REV1: variants seen among roughly 807,000 people sequenced by gnomAD.
REV1 encodes the protein translesion synthesis protein REV1.
A neutral mutation model predicts 137.4 loss-of-function variants in REV1; 42 were observed. The observed-to-expected ratio is 0.31, with a 90% CI of 0.24 to 0.40. REV1 has a LOEUF of 0.40. Ranked by LOEUF, REV1 falls within the 10% of genes least tolerant of loss-of-function variation. The probability of loss-of-function intolerance (pLI) is 1.00; values close to 1 mark genes in which losing one functional copy is unlikely to be tolerated. For synonymous variants in REV1, 524 were observed against 519.2 expected, an observed-to-expected ratio of 1.01 and a Z score of -0.12; for missense variants, 1,282 against 1,490.1, an observed-to-expected ratio of 0.86 and a Z score of 2.30.
At position 99,412,802 on chromosome 2, in the gene REV1, T is replaced by C. The variant is rs754292412; in HGVS notation, c.2101A>G (p.Arg701Gly). The C allele has an allele frequency of 1.9e-6, 3 of 1,614,168 alleles. No homozygotes were observed. Among genetic ancestry groups the C allele is most frequent in the Non-Finnish European group, 2.5e-6 (3 of 1,180,012 alleles). Residue 701 changes from arginine to glycine, a missense_variant, in exon 13 of 23, where the codon AGA (arginine) becomes GGA (glycine). Coordinates refer to ENST00000258428, the MANE Select transcript of REV1 (RefSeq NM_016316.4). ...LYRFCRGLDD[R>G]PVRTEKERKS... ...CTTTCCTTTTCAGTTCGAACTGGTC[T>C]ATCATCCAAGCCACGGCAGAACCTA...
intron 4 of REV1, among the ~76,000 whole-genome samples, chr2:99,448,099 T>G (rs1432474590): frequency 6.6e-6 from 1 of 152,202 alleles, no homozygotes; most frequent in Non-Finnish European, 1.5e-5. Flanking sequence ...CCCAGCCTTT[T>G]CCACCACGCT....
intron 17 of REV1, chr2:99,405,695 A>G (rs1676184528): frequency 2.5e-6 from 1 of 393,868 alleles, no homozygotes. Flanking sequence ...ACAACTTGCA[A>G]GAGTGGCAAA....
intron 10 of REV1, among the ~76,000 whole-genome samples, chr2:99,422,740 G>A (rs922410876): frequency 6.6e-6 from 1 of 152,120 alleles, no homozygotes; most frequent in African/African-American, 2.4e-5. Context: ...CACTGAAACT[G>A]TCTCCAGCCT....
chr2:99,445,815 T>C (rs1682131165), intron 4 of REV1, among the ~76,000 whole-genome samples: 1 of 152,210 alleles, frequency 6.6e-6, no homozygotes, highest in African/African-American at 2.4e-5. Flanking sequence ...TAACCATGCC[T>C]ACATTAACTC....
At chr2:99,411,319 T>C (rs1180325961) in intron 13 of REV1, among the ~76,000 whole-genome samples, 1 of 151,938 alleles carries the variant, frequency 6.6e-6, no homozygotes, top group Non-Finnish European at 1.5e-5. Context: ...CAAAAACTGT[T>C]TGGTATACCC....
chr2:99,465,931 T>C (rs909682831), intron 1 of REV1, among the ~76,000 whole-genome samples: 5 of 152,150 alleles, frequency 3.3e-5, no homozygotes, highest in Non-Finnish European at 7.3e-5. Flanking sequence ...AATTTCTTTC[T>C]TTCTTTTTAT....
intron 3 of REV1, among the ~76,000 whole-genome samples, chr2:99,453,790 G>A (rs1484634219): frequency 1.3e-5 from 2 of 150,780 alleles, no homozygotes; most frequent in Non-Finnish European, 2.9e-5. Context: ...CTACTCAGGA[G>A]GCTGAGGCAG....
At chr2:99,412,176 T>C (rs1199599959) in intron 13 of REV1, among the ~76,000 whole-genome samples, 2 of 141,222 alleles carry the variant, frequency 1.4e-5, no homozygotes, top group Admixed American at 8.1e-5. Flanking sequence ...GAGGTTGCAG[T>C]GAGCCGAGAC....
intron 1 of REV1, among the ~76,000 whole-genome samples, chr2:99,476,449 A>G (rs1685988020): frequency 6.6e-6 from 1 of 152,050 alleles, no homozygotes; most frequent in African/African-American, 2.4e-5. Flanking sequence ...CCAGCTACTC[A>G]GGAAGCTGAG....
In REV1 at chr2:99,447,745, G is replaced by A. The variant is rs1004063598; in HGVS notation, c.350+1591C>T. Among the ~76,000 whole-genome samples the A allele has an allele frequency of 4.0e-5, 6 of 150,806 alleles. No individual in the cohort carries two copies. In the South Asian group the frequency reaches 8.4e-4, roughly 21 times the overall value. ...TTTTTTTTTTTCTTTTTCCTGAGAC[G>A]GAGTCTTTCTCTGTTGCCCAGGCTG... On this transcript the variant is annotated intron_variant, in intron 4 of 22. Coordinates refer to ENST00000258428, the MANE Select transcript of REV1 (RefSeq NM_016316.4).
At chr2:99,451,417 T>G in intron 3 of REV1, 1 of 1,302,240 alleles carries the variant, frequency 7.7e-7, no homozygotes, top group South Asian at 1.2e-5. Context: ...GCCCTTCTAC[T>G]GGATGAAGTT....
chr2:99,403,453 GTCCTAT>G (rs1675796038), intron 19 of REV1: 1 of 586,942 alleles, frequency 1.7e-6, no homozygotes, highest in African/African-American at 1.9e-5. Context: ...TTGTGGTAAT[GTCCTAT>G]TCCAACTTTT....
At chr2:99,413,633 G>A (rs1677477180) in intron 12 of REV1, among the ~76,000 whole-genome samples, 1 of 152,098 alleles carries the variant, frequency 6.6e-6, no homozygotes, top group Admixed American at 6.6e-5. Flanking sequence ...GTCCTATTCT[G>A]CAAGATGTAA....
intron 1 of REV1, among the ~76,000 whole-genome samples, chr2:99,475,043 C>T (rs1396135057): frequency 1.3e-5 from 2 of 152,164 alleles, no homozygotes; most frequent in Non-Finnish European, 2.9e-5. Context: ...GTTTGAAATG[C>T]TTGTTCCCCG....
Position 99,408,125 on chromosome 2 carries a change from T to C in REV1, c.2352A>G (p.Val784=). ...HGICDNIART[V]TLDQATDNAK... ...CATTATCTGTTGCCTGGTCAAGAGT[T>C]ACAGTCCTGTAAGTGATAGAATTAA... is the stretch of plus-strand genomic sequence containing the variant. The change falls in exon 15 of 23, where the codon GTA becomes GTG. Residue 784 remains valine (V), a synonymous_variant. Coordinates refer to ENST00000258428, the MANE Select transcript of REV1 (RefSeq NM_016316.4). The C allele has an allele frequency of 6.3e-7, 1 of 1,597,994 alleles. No individual in the cohort carries two copies. Among genetic ancestry groups the C allele is most frequent in the Non-Finnish European group, 8.6e-7 (1 of 1,168,082 alleles).
At chr2:99,438,523 G>T in intron 6 of REV1, 78 bp downstream of exon 6, 1 of 1,073,912 alleles carries the variant, frequency 9.3e-7, no homozygotes, top group Non-Finnish European at 1.4e-6. Flanking sequence ...ATATTGACCA[G>T]AAATACCAAT....
chr2:99,402,941 T>A lies in REV1; in HGVS notation c.3332A>T (p.Lys1111Met), dbSNP rs990739950. The part of the protein sequence containing the change: ...TLPGACGSPQ[K>M]LIDGFLKHEG... Reference sequence around the variant, plus strand: ...ATGTTTTAGAAACCCATCAATTAACTTCTGGGGACTGCCACAGGCCCCTGG... The same window carrying A: ...ATGTTTTAGAAACCCATCAATTAACATCTGGGGACTGCCACAGGCCCCTGG... The change falls in exon 20 of 23, where the codon AAG becomes ATG. Residue 1111 changes from lysine to methionine, a missense_variant. Around this residue, in one of 7 missense-constraint regions of REV1, gnomAD observed 170 missense variants for 156.8 expected, o/e 1.08. Transcript: ENST00000258428. 11 of 1,614,222 alleles carry A rather than the reference T, an allele frequency of 6.8e-6. No individual in the cohort carries two copies. The highest frequency in any genetic ancestry group is 8.5e-6 in the Non-Finnish European group (10 of 1,180,044).
chr2:99,436,972 T>C (rs1575097721), intron 6 of REV1, among the ~76,000 whole-genome samples: 3 of 147,884 alleles, frequency 2.0e-5, no homozygotes, highest in Admixed American at 1.4e-4. Context: ...TACCTAATTC[T>C]CCCCCAACTT....
intron 14 of REV1, among the ~76,000 whole-genome samples, chr2:99,409,854 C>CG (rs1491261822): frequency 1.5e-4 from 2 of 13,270 alleles, no homozygotes; most frequent in Non-Finnish European, 3.1e-4. Context: ...AAACAAACAA[C>CG]CCCCCCCCCC....
Sources: allele counts gnomAD v4.1 joint callset (sites outside exome capture counted in the v4.1 genomes callset), GRCh38; gene constraint gnomAD v4.1.1; regional missense constraint gnomAD v4.1.1; transcripts MANE v1.5; gene names NCBI Gene and HGNC (gene_info 2026-07-23, HGNC 2026-07-21).